Variants in ELF2 observed in about 807,000 individuals in gnomAD.
The protein encoded by ELF2 is E74 like ETS transcription factor 2.
In ELF2, 11 loss-of-function variants were observed where a neutral mutation model predicts 54.8. The observed-to-expected ratio is 0.20, with a 90% CI of 0.13 to 0.33. The LOEUF (loss-of-function observed/expected upper bound fraction) is 0.33. ELF2 is among the 10% of genes least tolerant of loss of function. ELF2 has a pLI of 1.00. For synonymous variants in ELF2, 203 were observed against 245.1 expected (o/e 0.83, Z 1.61); for missense variants, 513 against 703.0 (o/e 0.73, Z 3.06).
At chr4:139,152,129 T>C (rs1169437648) in intron 1 of ELF2, among the ~76,000 whole-genome samples, 3 of 152,190 alleles carry the variant, frequency 2.0e-5, no homozygotes, top group African/African-American at 7.2e-5. Flanking sequence ...TATTGTATTA[T>C]CTTCATTGTG....
Position 139,058,953 on chromosome 4 carries a change from C to T in ELF2, c.*30G>A. On this transcript the variant is annotated 3_prime_UTR_variant, in exon 10 of 10. Transcript: ENST00000686138. ...ATGTTTATGTCAGTACTGCCACTAA[C>T]AGCCTGAAGTCCATGGTGGAGCTGC... 6.4e-7 allele frequency: 1 copy of T among 1,563,746 alleles called. No homozygotes were observed.
rs1224000501 is a variant in ELF2 at position 139,091,471 on chromosome 4, G to A, written c.239-17904C>T. On this transcript the variant is annotated intron_variant, in intron 4 of 9. Coordinates refer to ENST00000686138, the MANE Select transcript of ELF2 (RefSeq NM_001331036.3). ...AGAAGGAATAAATAATAAAAAGCAAGAAAAATGAAATAGAAAATAGTAATT... is the reference window on the plus strand; with the variant it reads ...AGAAGGAATAAATAATAAAAAGCAAAAAAAATGAAATAGAAAATAGTAATT... Among the ~76,000 whole-genome samples, 4 of 151,994 alleles carry A rather than the reference G, an allele frequency of 2.6e-5. No individual in the cohort carries two copies. The East Asian group carries it at 7.7e-4, about 29-fold the overall frequency.
intron 1 of ELF2, among the ~76,000 whole-genome samples, chr4:139,151,031 AAAAAGAAAGAAAGAAAG>A (rs1324945639): frequency 8.5e-6 from 1 of 118,338 alleles, no homozygotes; most frequent in East Asian, 2.2e-4. Context: ...CTCAAAAAAA[AAAAAGAAAGAAAGAAAG>A]AAAGAAAGAA....
chr4:139,100,211 T>A (rs1733730042), intron 4 of ELF2, among the ~76,000 whole-genome samples: 1 of 152,222 alleles, frequency 6.6e-6, no homozygotes, highest in Non-Finnish European at 1.5e-5. Context: ...GTAATGTTAA[T>A]ATGTAAAACC....
intron 3 of ELF2, among the ~76,000 whole-genome samples, chr4:139,127,682 A>G (rs182536977): frequency 6.6e-6 from 1 of 152,158 alleles, no homozygotes; most frequent in African/African-American, 2.4e-5. Flanking sequence ...ATCATTTTGC[A>G]TTAAAAAATT....
At position 139,059,146 on chromosome 4, in the gene ELF2, A is replaced by G. The variant is rs1362595577; in HGVS notation, c.1619T>C (p.Val540Ala). 2 of 1,613,784 alleles carry G rather than the reference A, an allele frequency of 1.2e-6. No individual in the cohort carries two copies. The highest frequency in any genetic ancestry group is 1.7e-6 in the Non-Finnish European group (2 of 1,179,870). The stretch of plus-strand genomic sequence containing the variant: ...CACATCATGTTCTTGCTTTTTTGCC[A>G]CTGCTTCCGATTTAACCTCTGGCCC... ...IKGPEVKSEA[V>A]AKKQEHDVKT... Residue 540 changes from valine to alanine, a missense_variant, in exon 10 of 10, where the codon GTG (valine) becomes GCG (alanine). Coordinates refer to ENST00000686138, the MANE Select transcript of ELF2 (RefSeq NM_001331036.3).
chr4:139,149,311 T>C (rs1297184138), intron 1 of ELF2, among the ~76,000 whole-genome samples: 1 of 152,228 alleles, frequency 6.6e-6, no homozygotes, highest in African/African-American at 2.4e-5. Flanking sequence ...GTATAATTTT[T>C]TAAAAGAATA....
intron 4 of ELF2, among the ~76,000 whole-genome samples, chr4:139,089,204 T>C (rs1209194261): frequency 6.6e-6 from 1 of 152,248 alleles, no homozygotes; most frequent in African/African-American, 2.4e-5. Flanking sequence ...AGATCCTTTA[T>C]CTACAGATTT....
intron 4 of ELF2, among the ~76,000 whole-genome samples, chr4:139,110,159 G>A (rs954036980): frequency 6.6e-6 from 1 of 152,134 alleles, no homozygotes; most frequent in Non-Finnish European, 1.5e-5. Context: ...TGCTATTGGT[G>A]TAAAAGAAGA....
chr4:139,059,944 C>G (rs1727589435), intron 9 of ELF2, among the ~76,000 whole-genome samples: 1 of 151,784 alleles, frequency 6.6e-6, no homozygotes. Context: ...AACTCCTAAG[C>G]TCAAGTGACT....
chr4:139,164,742 T>G (rs1741554690), intron 1 of ELF2, among the ~76,000 whole-genome samples: 1 of 152,242 alleles, frequency 6.6e-6, no homozygotes, highest in Non-Finnish European at 1.5e-5. Flanking sequence ...TTTATGTTTA[T>G]TTCAGAAATC....
At position 139,177,054 on chromosome 4, in the gene ELF2, C is replaced by G. The variant is rs1743030713; in HGVS notation, c.-339G>C. 6.6e-6 allele frequency: 1 copy of G among 152,172 alleles called. No individual in the cohort carries two copies. Among genetic ancestry groups the G allele is most frequent in the Admixed American group, 6.6e-5 (1 of 15,254 alleles). 9.4% of individuals were successfully genotyped at this position (152,172 alleles called of 1,614,324 possible). On this transcript the variant is annotated 5_prime_UTR_variant, in exon 1 of 10. Coordinates refer to ENST00000686138, the MANE Select transcript of ELF2 (RefSeq NM_001331036.3). ...TAGCCGCCGCCGTTGGCCGAGCGTC[C>G]GGAGGGAGCCGGGGCCTCCCCAGCA...
intron 1 of ELF2, among the ~76,000 whole-genome samples, chr4:139,163,881 G>T (rs1232723847): frequency 6.6e-6 from 1 of 151,526 alleles, no homozygotes; most frequent in East Asian, 1.9e-4. Context: ...AGTGGAGACA[G>T]AATGAGTCCC....
intron 4 of ELF2, among the ~76,000 whole-genome samples, chr4:139,088,923 TA>T (rs890110375): frequency 5.3e-5 from 8 of 152,302 alleles, no homozygotes; most frequent in Non-Finnish European, 1.2e-4. Context: ...CACACCCAGC[TA>T]ATCTTGTAGA....
intron 4 of ELF2, chr4:139,117,953 C>CAAA (rs60424237): frequency 4.0e-4 from 58 of 145,834 alleles, no homozygotes; most frequent in South Asian, 7.4e-4. Context: ...GATTCCACCT[C>CAAA]AAAAAAAAAA....
chr4:139,176,808 C>T (rs1742997081), intron 1 of ELF2, among the ~76,000 whole-genome samples, 159 bp downstream of exon 1: 1 of 152,082 alleles, frequency 6.6e-6, no homozygotes. Flanking sequence ...GCCGGTGTCA[C>T]CGCCGCAGCC....
chr4:139,151,300 G>A (rs997678547), intron 1 of ELF2, among the ~76,000 whole-genome samples: 6 of 151,882 alleles, frequency 4.0e-5, no homozygotes, highest in Non-Finnish European at 7.4e-5. Flanking sequence ...ATGAGACACC[G>A]AAAGCAAAAA....
At chr4:139,072,834 G>C (rs571559037) in intron 5 of ELF2, among the ~76,000 whole-genome samples, 1 of 152,310 alleles carries the variant, frequency 6.6e-6, no homozygotes, top group Non-Finnish European at 1.5e-5. Context: ...TTCAAATTAA[G>C]AAGTATGGTT....
intron 4 of ELF2, among the ~76,000 whole-genome samples, chr4:139,099,784 T>C (rs890862966): frequency 6.6e-6 from 1 of 152,198 alleles, no homozygotes; most frequent in African/African-American, 2.4e-5. Context: ...TGACAAGTTG[T>C]AGGTGCTAAA....
Sources: allele counts gnomAD v4.1 joint callset (sites outside exome capture counted in the v4.1 genomes callset), GRCh38; gene constraint gnomAD v4.1.1; transcripts MANE v1.5; gene names NCBI Gene and HGNC (gene_info 2026-07-23, HGNC 2026-07-21).